Variants in RHPN2 observed in about 807,000 individuals in gnomAD.
RHPN2 encodes the protein rhophilin-2.
A neutral mutation model predicts 79.0 loss-of-function variants in RHPN2; 40 were observed. The ratio of observed to expected loss-of-function variants is 0.51; its 90% CI spans 0.39 to 0.66. The LOEUF (loss-of-function observed/expected upper bound fraction) is 0.66. RHPN2 is among the 30% of genes least tolerant of loss of function. RHPN2 has a pLI of 0.00. For synonymous variants in RHPN2, 285 were observed against 363.5 expected (o/e 0.78, Z 2.46); for missense variants, 686 against 883.5 (o/e 0.78, Z 2.83).
At chr19:32,984,595 T>C (rs1599804838) in intron 14 of RHPN2, among the ~76,000 whole-genome samples, 1 of 151,458 alleles carries the variant, frequency 6.6e-6, no homozygotes, top group Admixed American at 6.6e-5. Flanking sequence ...GGAGGTGAGG[T>C]TGCAGTGAGC....
chr19:32,984,593 G>C (rs1971600907), intron 14 of RHPN2, among the ~76,000 whole-genome samples: 3 of 151,950 alleles, frequency 2.0e-5, no homozygotes, highest in Admixed American at 2.0e-4. Flanking sequence ...CGGGAGGTGA[G>C]GTTGCAGTGA....
At chr19:33,002,072 C>A (rs751610248) in intron 9 of RHPN2, among the ~76,000 whole-genome samples, 175 bp downstream of exon 9, 1 of 152,176 alleles carries the variant, frequency 6.6e-6, no homozygotes, top group Non-Finnish European at 1.5e-5. Flanking sequence ...GCTTATAACC[C>A]CTAACCCCAC....
chr19:33,006,076 C>T (rs754802789), intron 7 of RHPN2, among the ~76,000 whole-genome samples: 2 of 151,928 alleles, frequency 1.3e-5, no homozygotes, highest in South Asian at 2.1e-4. Flanking sequence ...GATGGAGTTT[C>T]GCCTTGTTGC....
chr19:33,054,880 G>A (rs893669260), intron 1 of RHPN2, among the ~76,000 whole-genome samples: 3 of 152,196 alleles, frequency 2.0e-5, no homozygotes, highest in Admixed American at 6.5e-5. Flanking sequence ...AGTTCATCAC[G>A]TTGTCTCTCC....
chr19:33,023,306 G>A (rs1971939361), intron 3 of RHPN2, among the ~76,000 whole-genome samples: 1 of 151,754 alleles, frequency 6.6e-6, no homozygotes, highest in Non-Finnish European at 1.5e-5. Context: ...ATGGTGATGT[G>A]TGCCTGTAAT....
intron 1 of RHPN2, among the ~76,000 whole-genome samples, chr19:33,046,302 G>C (rs1972142454): frequency 6.6e-6 from 1 of 152,036 alleles, no homozygotes; most frequent in African/African-American, 2.4e-5. Context: ...GGCTTGTTCT[G>C]TCGTCCAGGC....
At chr19:33,025,426 G>A (rs576993145) in intron 3 of RHPN2, among the ~76,000 whole-genome samples, 3 of 151,914 alleles carry the variant, frequency 2.0e-5, no homozygotes, top group East Asian at 3.9e-4. Context: ...AGATTGCAGT[G>A]AGCTGAGATC....
At chr19:33,034,082 T>C (rs1221604222) in intron 2 of RHPN2, among the ~76,000 whole-genome samples, 1 of 151,560 alleles carries the variant, frequency 6.6e-6, no homozygotes, top group African/African-American at 2.4e-5. Flanking sequence ...GGTCTCAAAC[T>C]GCTAAGACAA....
chr19:33,053,780 G>C (rs1408022371), intron 1 of RHPN2, among the ~76,000 whole-genome samples: 1 of 151,884 alleles, frequency 6.6e-6, no homozygotes, highest in East Asian at 1.9e-4. Context: ...GGCCAGGTTG[G>C]TCTTGAACTC....
chr19:33,046,391 G>C (rs1411037356), intron 1 of RHPN2, among the ~76,000 whole-genome samples: 2 of 151,850 alleles, frequency 1.3e-5, no homozygotes, highest in African/African-American at 4.8e-5. Context: ...TCAGCCTCCC[G>C]GGTAGCTGGG....
intron 5 of RHPN2, 145 bp from the exon 6 acceptor site, chr19:33,011,948 G>A (rs1200261094): frequency 2.8e-6 from 3 of 1,082,416 alleles, no homozygotes; most frequent in South Asian, 1.4e-5. Context: ...TAAACTCTGG[G>A]AGGGGTGGAA....
intron 1 of RHPN2, among the ~76,000 whole-genome samples, chr19:33,055,342 ACAG>A (rs1972223130): frequency 6.6e-6 from 1 of 151,950 alleles, no homozygotes; most frequent in East Asian, 1.9e-4. Context: ...CCTGGGTGAC[ACAG>A]CCAGATTCTG....
At chr19:33,026,734 G>T in intron 2 of RHPN2, 102 bp from the exon 3 acceptor site, 1 of 1,396,306 alleles carries the variant, frequency 7.2e-7, no homozygotes, top group Non-Finnish European at 1.0e-6. Flanking sequence ...TCAGGGCACA[G>T]CTTGCAGAGG....
chr19:33,008,250 CTTTTTT>C lies in RHPN2; in HGVS notation c.594-76_594-71del. On this transcript the variant is annotated intron_variant, in intron 6 of 14. Coordinates refer to ENST00000254260, the MANE Select transcript of RHPN2 (RefSeq NM_033103.5). The stretch of plus-strand genomic sequence containing the variant: ...GTTAATGCTACAAGTGGAAAAAATT[CTTTTTT>C]TTTTTTTTTTTAAGAGTCAATATCT... 2.8e-6 allele frequency: 3 copies of C among 1,084,136 alleles called. No homozygotes were observed. In the African/African-American group the frequency reaches 5.2e-5, roughly 19 times the overall value. 67.2% of individuals were successfully genotyped at this position (1,084,136 alleles called of 1,614,324 possible).
chr19:32,980,258 T>C lies in RHPN2; in HGVS notation c.1801-2A>G. The C allele has an allele frequency of 6.2e-7, 1 of 1,613,866 alleles. No individual in the cohort carries two copies. Among genetic ancestry groups the C allele is most frequent in the Non-Finnish European group, 8.5e-7 (1 of 1,179,852 alleles). Reference sequence around the variant, plus strand: ...GGAGTATGTGGCACTCTTATTATGCTGCACATAGAAAAGTAAGAAAAAGGG... The same window carrying C: ...GGAGTATGTGGCACTCTTATTATGCCGCACATAGAAAAGTAAGAAAAAGGG... On this transcript the variant is annotated splice_acceptor_variant, in intron 14 of 14. Transcript: ENST00000254260. LOFTEE classifies it high-confidence loss of function.
intron 2 of RHPN2, among the ~76,000 whole-genome samples, chr19:33,029,195 T>C (rs1399590731): frequency 1.3e-5 from 2 of 151,486 alleles, no homozygotes; most frequent in African/African-American, 2.4e-5. Context: ...CAAGATAGCA[T>C]GGTACTGACA....
chr19:33,048,738 A>AAAAAAAAC (rs1555714736), intron 1 of RHPN2, among the ~76,000 whole-genome samples: 1 of 151,160 alleles, frequency 6.6e-6, no homozygotes, highest in African/African-American at 2.4e-5. Context: ...AAAAAAAAAA[A>AAAAAAAAC]AAAAAAACTT....
intron 4 of RHPN2, among the ~76,000 whole-genome samples, chr19:33,014,412 C>T (rs1030643508): frequency 1.3e-5 from 2 of 152,096 alleles, no homozygotes; most frequent in African/African-American, 4.8e-5. Context: ...CTCAAGTCAT[C>T]CTCCCACTTC....
Position 33,037,362 on chromosome 19 carries a change from C to T in RHPN2, c.185+6887G>A, listed in dbSNP as rs188156911. Among the ~76,000 whole-genome samples the T allele has an allele frequency of 2.6e-3, 403 of 152,272 alleles. 2 individuals carry two copies. The highest frequency in any genetic ancestry group is 9.3e-3 in the African/African-American group (385 of 41,560). ...CACCCTGTCAAAACAGACCACTGGG[C>T]TCTACCAATCAGCAGGATGTGGGTG... On this transcript the variant is annotated intron_variant, in intron 2 of 14. Coordinates refer to ENST00000254260, the MANE Select transcript of RHPN2 (RefSeq NM_033103.5).
Sources: gnomAD v4.1 joint callset for allele counts (sites outside exome capture counted in the v4.1 genomes callset) on GRCh38, gnomAD v4.1.1 for gene constraint, MANE v1.5 for transcripts, NCBI Gene and HGNC (gene_info 2026-07-23, HGNC 2026-07-21) for gene names.